TAF4B: variants seen among roughly 807,000 people sequenced by gnomAD.
The protein encoded by TAF4B is TATA-box binding protein associated factor 4b, also known as transcription initiation factor TFIID subunit 4B.
TAF4B carries 38 observed loss-of-function variants against 86.4 expected under a neutral mutation model. That is an observed-to-expected ratio of 0.44 (90% confidence interval 0.34 to 0.58). The LOEUF (loss-of-function observed/expected upper bound fraction) is 0.58, where lower values mean the gene tolerates loss of function less well. Among genes scored for constraint, TAF4B ranks in the 20% least tolerant of loss-of-function variants. The pLI is 0.02. For missense variants in TAF4B, 988 were observed against 1,027.6 expected (o/e 0.96, Z 0.53); for synonymous variants, 388 against 391.2 (o/e 0.99, Z 0.10).
chr18:26,319,057 G>T (rs2056937455), intron 10 of TAF4B, among the ~76,000 whole-genome samples: 2 of 152,120 alleles, frequency 1.3e-5, no homozygotes, highest in South Asian at 4.1e-4. Flanking sequence ...AGTTGGGCCT[G>T]TTGGCTCATG....
chr18:26,286,626 T>G (rs1419456791), intron 7 of TAF4B, 127 bp downstream of exon 7: 3 of 1,061,354 alleles, frequency 2.8e-6, no homozygotes, highest in Non-Finnish European at 3.9e-6. Flanking sequence ...ATTAATTTTT[T>G]TTTTTTTTTA....
chr18:26,239,404 G>C (rs1205780299), intron 1 of TAF4B, among the ~76,000 whole-genome samples: 1 of 152,048 alleles, frequency 6.6e-6, no homozygotes, highest in Non-Finnish European at 1.5e-5. Flanking sequence ...AGAAGTGTCT[G>C]TTCATATCCT....
chr18:26,344,147 A>T (rs1463726276), intron 13 of TAF4B, among the ~76,000 whole-genome samples: 1 of 152,238 alleles, frequency 6.6e-6, no homozygotes, highest in South Asian at 2.1e-4. Flanking sequence ...AAACACATTC[A>T]GCTGAATGAG....
At chr18:26,315,165 A>T (rs1366533790) in intron 9 of TAF4B, 64 bp from the exon 10 acceptor site, 12,947 of 335,442 alleles carry the variant, frequency 0.039, 79 homozygotes, top group Non-Finnish European at 0.046. Flanking sequence ...TCTCTCTCAC[A>T]CACACACACA....
At position 26,390,534 on chromosome 18, in the gene TAF4B, G is replaced by C. The variant is rs1978643656; in HGVS notation, c.*522G>C. 6.6e-6 allele frequency: 1 copy of C among 152,326 alleles called. No individual in the cohort carries two copies. Among genetic ancestry groups the C allele is most frequent in the African/African-American group, 2.4e-5 (1 of 41,446 alleles). 9.4% of individuals were successfully genotyped at this position (152,326 alleles called of 1,614,324 possible). ...CACTGTGGTGACTTTGGTCGGCTGA[G>C]TTCCAGTGTTGTCAAAACAAGACAA... On this transcript the variant is annotated 3_prime_UTR_variant, in exon 15 of 15. Transcript: ENST00000269142.
intron 1 of TAF4B, among the ~76,000 whole-genome samples, chr18:26,236,931 A>T (rs1042785236): frequency 8.3e-6 from 1 of 120,356 alleles, no homozygotes; most frequent in African/African-American, 3.3e-5. Flanking sequence ...GTCGGGTGAC[A>T]GGGGAGTATA....
intron 6 of TAF4B, among the ~76,000 whole-genome samples, chr18:26,285,601 A>G (rs1046300110): frequency 5.3e-5 from 8 of 152,180 alleles, no homozygotes; most frequent in African/African-American, 9.7e-5. Context: ...ATGATTATAG[A>G]AAAGTATAAT....
intron 3 of TAF4B, among the ~76,000 whole-genome samples, chr18:26,270,386 A>G (rs2056297663): frequency 1.3e-5 from 2 of 152,184 alleles, no homozygotes; most frequent in South Asian, 4.1e-4. Flanking sequence ...ATATTCGTTG[A>G]AGTCTTAATA....
chr18:26,330,917 C>T (rs2057044903), intron 12 of TAF4B, among the ~76,000 whole-genome samples: 1 of 152,178 alleles, frequency 6.6e-6, no homozygotes, highest in South Asian at 2.1e-4. Context: ...ATATCCCCAC[C>T]CCATTTCATT....
At chr18:26,324,359 G>T (rs1322279390) in intron 11 of TAF4B, among the ~76,000 whole-genome samples, 1 of 152,096 alleles carries the variant, frequency 6.6e-6, no homozygotes, top group Non-Finnish European at 1.5e-5. Context: ...CAATCCACCC[G>T]CCTCGGCCTC....
intron 13 of TAF4B, among the ~76,000 whole-genome samples, chr18:26,340,353 C>T (rs979213423): frequency 2.0e-5 from 3 of 152,142 alleles, no homozygotes; most frequent in African/African-American, 7.2e-5. Context: ...ATTTAAACTT[C>T]ATGCAAGTTC....
chr18:26,313,264 T>C (rs954005236), intron 9 of TAF4B, among the ~76,000 whole-genome samples: 1 of 152,212 alleles, frequency 6.6e-6, no homozygotes, highest in African/African-American at 2.4e-5. Context: ...TGACTTTTCA[T>C]TTATGTTCAC....
rs747490552 is a variant in TAF4B at position 26,315,224 on chromosome 18, A to G, written c.1833-5A>G. 4.2e-5 allele frequency: 63 copies of G among 1,490,498 alleles called. 2 individuals are homozygous for G. In the South Asian group the frequency reaches 6.8e-4, roughly 16 times the overall value. The allele number at this position is 1,490,498 out of a possible 1,614,324, so 92.3% of individuals were successfully genotyped here. On this transcript the variant is annotated splice_region_variant and splice_polypyrimidine_tract_variant and intron_variant, in intron 9 of 14. Transcript: ENST00000269142. ...AAATGTATAACTTTTTTTTTTTTCT[A>G]TTAGAGATGAGGATGACATCAATGA...
chr18:26,278,799 G>A (rs530626501), intron 5 of TAF4B, among the ~76,000 whole-genome samples: 1 of 152,176 alleles, frequency 6.6e-6, no homozygotes, highest in South Asian at 2.1e-4. Flanking sequence ...AAATAATTTA[G>A]ATCACACATA....
At chr18:26,270,573 T>C (rs2056300400) in intron 3 of TAF4B, among the ~76,000 whole-genome samples, 1 of 152,210 alleles carries the variant, frequency 6.6e-6, no homozygotes, top group Non-Finnish European at 1.5e-5. Context: ...CGCCTCTGCC[T>C]TGCAAAATGC....
chr18:26,298,996 G>A (rs769762689), intron 9 of TAF4B, among the ~76,000 whole-genome samples: 2 of 151,388 alleles, frequency 1.3e-5, no homozygotes, highest in Non-Finnish European at 2.9e-5. Flanking sequence ...CGAGTAGCTG[G>A]GATTACAGGC....
chr18:26,280,938 G>A (rs1305803985), intron 5 of TAF4B, among the ~76,000 whole-genome samples: 1 of 152,102 alleles, frequency 6.6e-6, no homozygotes, highest in Non-Finnish European at 1.5e-5. Flanking sequence ...ATAAAAAGTG[G>A]TACATATACA....
chr18:26,355,543 T>C (rs1019625744), intron 13 of TAF4B, among the ~76,000 whole-genome samples: 4 of 152,240 alleles, frequency 2.6e-5, no homozygotes, highest in African/African-American at 9.6e-5. Flanking sequence ...CAATGAAAAC[T>C]ATGGTCAGTT....
At chr18:26,351,829 A>G (rs2057248285) in intron 13 of TAF4B, among the ~76,000 whole-genome samples, 1 of 152,162 alleles carries the variant, frequency 6.6e-6, no homozygotes, top group Non-Finnish European at 1.5e-5. Flanking sequence ...CATGGATTAG[A>G]AAAATTAACA....
Sources: allele counts gnomAD v4.1 joint callset (sites outside exome capture counted in the v4.1 genomes callset), GRCh38; gene constraint gnomAD v4.1.1; transcripts MANE v1.5; gene names NCBI Gene and HGNC (gene_info 2026-07-23, HGNC 2026-07-21).